Variants in KCNT2 observed in about 807,000 individuals in gnomAD.
KCNT2 encodes the protein potassium sodium-activated channel subfamily T member 2, also known as potassium channel subfamily T member 2.
A neutral mutation model predicts 153.8 loss-of-function variants in KCNT2; 67 were observed. The observed-to-expected ratio is 0.44, with a 90% CI of 0.36 to 0.53. The LOEUF (loss-of-function observed/expected upper bound fraction) is 0.53. Among genes scored for constraint, KCNT2 ranks in the 20% least tolerant of loss-of-function variants. The pLI is 0.00. For missense variants in KCNT2, 975 were observed against 1,354.8 expected (o/e 0.72, Z 4.40); for synonymous variants, 500 against 458.8 (o/e 1.09, Z -1.15).
intron 13 of KCNT2, among the ~76,000 whole-genome samples, chr1:196,382,254 A>G (rs922461227): frequency 6.8e-6 from 1 of 147,080 alleles, no homozygotes; most frequent in Non-Finnish European, 1.5e-5. Flanking sequence ...GCCTGCCACC[A>G]CACCCGGCTA....
chr1:196,569,973 A>C (rs1463567495), intron 1 of KCNT2, among the ~76,000 whole-genome samples: 1 of 151,828 alleles, frequency 6.6e-6, no homozygotes, highest in Non-Finnish European at 1.5e-5. Context: ...AACCAAGTTA[A>C]CCAAAGTCAC....
intron 25 of KCNT2, among the ~76,000 whole-genome samples, chr1:196,270,498 A>C (rs968390180): frequency 6.6e-6 from 1 of 152,106 alleles, no homozygotes; most frequent in Non-Finnish European, 1.5e-5. Context: ...AGACAGCTGA[A>C]TCATGTTAGA....
Position 196,604,466 on chromosome 1 carries a change from G to A in KCNT2, c.95+3749C>T, listed in dbSNP as rs1173001982. 1.3e-5 allele frequency among the ~76,000 whole-genome samples: 2 copies of A among 152,032 alleles called. 1 individual carries two copies. Among genetic ancestry groups the A allele is most frequent in the Non-Finnish European group, 2.9e-5 (2 of 67,966 alleles). The stretch of plus-strand genomic sequence containing the variant: ...GTTTTTTGCTCAGGATGTCAAACAA[G>A]TAAGTGTGCATCATATATACAAAAG... On this transcript the variant is annotated intron_variant, in intron 1 of 27. Coordinates refer to ENST00000294725, the MANE Select transcript of KCNT2 (RefSeq NM_198503.5).
At chr1:196,479,638 G>A (rs142423948) in intron 4 of KCNT2, among the ~76,000 whole-genome samples, 68 of 151,734 alleles carry the variant, frequency 4.5e-4, no homozygotes, top group African/African-American at 1.5e-3. Context: ...CTCAAGCCCC[G>A]GGGCTCAAGC....
chr1:196,270,487 T>C (rs1279328774), intron 25 of KCNT2, among the ~76,000 whole-genome samples: 1 of 152,072 alleles, frequency 6.6e-6, no homozygotes, highest in African/African-American at 2.4e-5. Flanking sequence ...AGAATATTGC[T>C]AGACAGCTGA....
At chr1:196,404,624 G>A (rs768371601) in intron 12 of KCNT2, among the ~76,000 whole-genome samples, 8 of 151,440 alleles carry the variant, frequency 5.3e-5, no homozygotes, top group Admixed American at 1.3e-4. Context: ...TATCTAGGAA[G>A]CCTTTTCTTC....
At chr1:196,435,919 G>A (rs769626651) in intron 8 of KCNT2, among the ~76,000 whole-genome samples, 1 of 151,650 alleles carries the variant, frequency 6.6e-6, no homozygotes, top group African/African-American at 2.4e-5. Flanking sequence ...GAATTTTGCA[G>A]TAATTTGCAC....
chr1:196,452,553 A>T (rs549343188), intron 8 of KCNT2, among the ~76,000 whole-genome samples: 1 of 152,042 alleles, frequency 6.6e-6, no homozygotes, highest in Non-Finnish European at 1.5e-5. Flanking sequence ...TTTACGGCTC[A>T]GCTATGTTTT....
Position 196,575,987 on chromosome 1 carries a change from A to C in KCNT2, c.95+32228T>G, listed in dbSNP as rs187902268. ...AGTGAGACCCTGTCTAAAAAAAAAA[A>C]AAAAAAATTGAAGAAGAGATCATAA... On this transcript the variant is annotated intron_variant, in intron 1 of 27. Transcript: ENST00000294725. Among the ~76,000 whole-genome samples the C allele has an allele frequency of 4.8e-3, 730 of 151,456 alleles. 3 individuals are homozygous for C. Among genetic ancestry groups the C allele is most frequent in the African/African-American group, 0.016 (663 of 41,316 alleles).
chr1:196,354,177 AGCCTTG>A (rs1171945311), intron 14 of KCNT2, among the ~76,000 whole-genome samples: 3 of 151,820 alleles, frequency 2.0e-5, no homozygotes, highest in Non-Finnish European at 4.4e-5. Flanking sequence ...ACTAAAGAAA[AGCCTTG>A]GTGTTATGAA....
chr1:196,467,315 A>C (rs549764344), intron 7 of KCNT2, among the ~76,000 whole-genome samples: 1 of 152,248 alleles, frequency 6.6e-6, no homozygotes, highest in East Asian at 1.9e-4. Context: ...CAAAGGTAGT[A>C]ACTTGGCAAT....
At chr1:196,303,240 A>C (rs1661349011) in intron 22 of KCNT2, among the ~76,000 whole-genome samples, 2 of 152,136 alleles carry the variant, frequency 1.3e-5, no homozygotes, top group African/African-American at 4.8e-5. Flanking sequence ...ATCTTTTTGA[A>C]ATGTGAACAT....
chr1:196,440,016 C>CA (rs1406758978), intron 8 of KCNT2, among the ~76,000 whole-genome samples: 2 of 151,850 alleles, frequency 1.3e-5, no homozygotes, highest in African/African-American at 4.8e-5. Flanking sequence ...TGTAACAAAC[C>CA]TGCACATTCT....
In KCNT2 at chr1:196,315,708, G is replaced by T. The variant is rs965836287; in HGVS notation, c.2483+184C>A. ...TTTTATGAGAAGCATTACTGATCTG[G>T]TGTTAAAAATTTAACTTTATGCAGT... On this transcript the variant is annotated intron_variant, in intron 21 of 27. Coordinates refer to ENST00000294725, the MANE Select transcript of KCNT2 (RefSeq NM_198503.5). Among the ~76,000 whole-genome samples the T allele has an allele frequency of 2.0e-5, 3 of 151,624 alleles. No homozygotes were observed. The Admixed American group carries it at 2.0e-4, about 10-fold the overall frequency.
At chr1:196,562,999 G>C (rs1659624540) in intron 1 of KCNT2, among the ~76,000 whole-genome samples, 1 of 151,746 alleles carries the variant, frequency 6.6e-6, no homozygotes, top group South Asian at 2.1e-4. Flanking sequence ...TTATTTAGAG[G>C]CTGTCCCAAA....
At chr1:196,603,951 C>G (rs1388002058) in intron 1 of KCNT2, among the ~76,000 whole-genome samples, 5 of 152,196 alleles carry the variant, frequency 3.3e-5, no homozygotes, top group Non-Finnish European at 7.3e-5. Flanking sequence ...CAGGAGAATA[C>G]TCTAAATCTT....
intron 13 of KCNT2, among the ~76,000 whole-genome samples, chr1:196,388,828 T>G (rs987010588): frequency 6.6e-6 from 1 of 151,784 alleles, no homozygotes; most frequent in Non-Finnish European, 1.5e-5. Flanking sequence ...AGCCTATTAA[T>G]AAAGCTAGTT....
intron 23 of KCNT2, among the ~76,000 whole-genome samples, chr1:196,282,843 A>C (rs909066669): frequency 2.6e-5 from 4 of 151,722 alleles, no homozygotes; most frequent in African/African-American, 9.7e-5. Context: ...AGGGCCTTCT[A>C]TTTATTTATT....
At chr1:196,364,459 CAAAT>C (rs1046322245) in intron 14 of KCNT2, among the ~76,000 whole-genome samples, 5 of 152,084 alleles carry the variant, frequency 3.3e-5, no homozygotes, top group African/African-American at 1.2e-4. Flanking sequence ...AGCATACACA[CAAAT>C]TAATTACATT....
Sources: allele counts gnomAD v4.1 joint callset (sites outside exome capture counted in the v4.1 genomes callset), GRCh38; gene constraint gnomAD v4.1.1; transcripts MANE v1.5; gene names NCBI Gene and HGNC (gene_info 2026-07-23, HGNC 2026-07-21).